CCK: variants seen among roughly 807,000 people sequenced by gnomAD.
CCK encodes cholecystokinin triacontatriapeptide.
CCK carries 11 observed loss-of-function variants against 10.1 expected under a neutral mutation model. That is an observed-to-expected ratio of 1.09 (90% CI 0.69 to 1.81). The LOEUF (loss-of-function observed/expected upper bound fraction) is 1.81, where lower values mean the gene tolerates loss of function less well. Among genes scored for constraint, CCK ranks in the 40% most tolerant of loss-of-function variants. CCK has a pLI of 0.00. For missense variants in CCK, 137 were observed against 159.9 expected (o/e 0.86, Z 0.77); for synonymous variants, 83 against 71.9 (o/e 1.15, Z -0.78).
At chr3:42,260,925 C>T (rs1321422325) in intron 4 of CCK, among the ~76,000 whole-genome samples, 1 of 152,200 alleles carries the variant, frequency 6.6e-6, no homozygotes, top group Admixed American at 6.5e-5. Flanking sequence ...GAGTCTCAGC[C>T]CTGCTGTTGC....
chr3:42,263,851 A>T, intron 3 of CCK: 1 of 617,162 alleles, frequency 1.6e-6, no homozygotes, highest in Non-Finnish European at 2.6e-6. Context: ...CTCCTCACCC[A>T]GCGCCAAGGG....
At chr3:42,265,638 C>G (rs527717847) in intron 1 of CCK, 46 bp downstream of exon 1, 14 of 152,528 alleles carry the variant, frequency 9.2e-5, no homozygotes, top group African/African-American at 3.1e-4. Context: ...ATCCGCCCCT[C>G]GCACCTTTCC....
At chr3:42,259,999 A>G (rs1266430808) in intron 4 of CCK, among the ~76,000 whole-genome samples, 2 of 152,182 alleles carry the variant, frequency 1.3e-5, no homozygotes, top group Non-Finnish European at 2.9e-5. Context: ...GCTCCTACCC[A>G]TAGGCTGAGT....
Position 42,264,297 on chromosome 3 carries a change from C to A in CCK, c.-3+400G>T, listed in dbSNP as rs1033847579. The stretch of plus-strand genomic sequence containing the variant: ...TTTTAGATCGCTAGTGGATAAAACA[C>A]CCTCAAGTTTCTATCCGTAAAGCCT... On this transcript the variant is annotated intron_variant, in intron 3 of 4. Coordinates refer to ENST00000396169, the MANE Select transcript of CCK (RefSeq NM_000729.6). Among the ~76,000 whole-genome samples, 9 of 152,180 alleles carry A rather than the reference C, an allele frequency of 5.9e-5. No homozygotes were observed. In the East Asian group the frequency reaches 1.7e-3, roughly 29 times the overall value.
intron 4 of CCK, among the ~76,000 whole-genome samples, chr3:42,260,919 C>T (rs1711201931): frequency 6.6e-6 from 1 of 152,204 alleles, no homozygotes; most frequent in South Asian, 2.1e-4. Flanking sequence ...TAGATAGAGT[C>T]TCAGCCCTGC....
Position 42,258,122 on chromosome 3 carries a change from G to C in CCK, c.324C>G (p.Ala108=). 1 of 1,614,004 alleles carries C rather than the reference G, an allele frequency of 6.2e-7. No homozygotes were observed. The highest frequency in any genetic ancestry group is 8.5e-7 in the Non-Finnish European group (1 of 1,179,990). The change falls in exon 5 of 5, where the codon GCC becomes GCG. Residue 108 remains alanine (A), a synonymous_variant. Transcript: ENST00000396169. ...MGWMDFGRRS[A]EEYEYPS ...TCTAGGAGGGGTACTCATACTCCTCGGCACTGCGACGGCCAAAATCCATCC... is the reference window on the plus strand; with the variant it reads ...TCTAGGAGGGGTACTCATACTCCTCCGCACTGCGACGGCCAAAATCCATCC...
In CCK at chr3:42,259,074, C is replaced by T. The variant is rs772331827; in HGVS notation, c.215-843G>A. ...GCAGGGACATGGATGAAGCTGGAAA[C>T]CATCATTCTCAGCAAACTAACACAG... On this transcript the variant is annotated intron_variant, in intron 4 of 4. Coordinates refer to ENST00000396169, the MANE Select transcript of CCK (RefSeq NM_000729.6). 1.2e-4 allele frequency among the ~76,000 whole-genome samples: 19 copies of T among 152,232 alleles called. No homozygotes were observed. In the South Asian group the frequency reaches 3.9e-3, roughly 32 times the overall value.
intron 3 of CCK, 161 bp from the exon 4 acceptor site, chr3:42,263,793 G>A (rs1711251524): frequency 1.6e-6 from 2 of 1,273,942 alleles, no homozygotes; most frequent in East Asian, 2.8e-5. Flanking sequence ...GACCCCAGCC[G>A]AGTGCCATGG....
chr3:42,263,555 C>A lies in CCK; in HGVS notation c.76G>T (p.Ala26Ser). 1 of 1,610,458 alleles carries A rather than the reference C, an allele frequency of 6.2e-7. No individual in the cohort carries two copies. Among genetic ancestry groups the A allele is most frequent in the Non-Finnish European group, 8.5e-7 (1 of 1,178,538 alleles). The change falls in exon 4 of 5, where the codon GCA (alanine) becomes TCA (serine). Residue 26 changes from alanine to serine, a missense_variant. Ala to Ser is a moderately conservative substitution (Grantham distance 99). Transcript: ENST00000396169. ...TGCAGCCCGGAGCCCGCGGGATCTG[C>A]GGGAGGCACCGGCTGCGTCAGGGCG... ...AGALTQPVPPADPAGSGLQRA... is the reference protein window; with the variant it reads ...AGALTQPVPPSDPAGSGLQRA...
intron 2 of CCK, 107 bp downstream of exon 2, chr3:42,265,162 G>A (rs1711268812): frequency 6.6e-6 from 1 of 151,240 alleles, no homozygotes; most frequent in African/African-American, 2.4e-5. Context: ...GGGGGCGGGG[G>A]TGGGGGGTGG....
intron 4 of CCK, among the ~76,000 whole-genome samples, chr3:42,258,853 G>A (rs536611530): frequency 6.6e-6 from 1 of 152,116 alleles, no homozygotes; most frequent in South Asian, 2.1e-4. Flanking sequence ...CCATTACTGG[G>A]TATATACCCA....
chr3:42,258,061 A>G lies in CCK; in HGVS notation c.*37T>C. 6.3e-7 allele frequency: 1 copy of G among 1,589,246 alleles called. No individual in the cohort carries two copies. ...CTTATTCTGCCTCCTCTGGGTTGGG[A>G]GGTTGCTTCCCGTTGGGCTGATGGC... On this transcript the variant is annotated 3_prime_UTR_variant, in exon 5 of 5. Transcript: ENST00000396169.
chr3:42,258,108 T>C lies in CCK; in HGVS notation c.338A>G (p.Tyr113Cys), dbSNP rs1199538622. 1.2e-6 allele frequency: 2 copies of C among 1,613,270 alleles called. No homozygotes were observed. Among genetic ancestry groups the C allele is most frequent in the Non-Finnish European group, 1.7e-6 (2 of 1,179,788 alleles). ...FGRRSAEEYE[Y>C]PS Reference sequence around the variant, plus strand: ...TGGCGGCTGGGTCCTCTAGGAGGGGTACTCATACTCCTCGGCACTGCGACG... The same window carrying C: ...TGGCGGCTGGGTCCTCTAGGAGGGGCACTCATACTCCTCGGCACTGCGACG... The change falls in exon 5 of 5, where the codon TAC (tyrosine) becomes TGC (cysteine). Residue 113 changes from tyrosine to cysteine, a missense_variant. Coordinates refer to ENST00000396169, the MANE Select transcript of CCK (RefSeq NM_000729.6).
Position 42,260,617 on chromosome 3 carries a change from C to T in CCK, c.215-2386G>A, listed in dbSNP as rs11571859. On this transcript the variant is annotated intron_variant, in intron 4 of 4. Coordinates refer to ENST00000396169, the MANE Select transcript of CCK (RefSeq NM_000729.6). Reference sequence around the variant, plus strand: ...CTTACATCTGATGTATGGAATTGATCAAAGCCTGATTCCTATGGGCCACAA... The same window carrying T: ...CTTACATCTGATGTATGGAATTGATTAAAGCCTGATTCCTATGGGCCACAA... Among the ~76,000 whole-genome samples the T allele has an allele frequency of 6.4e-4, 97 of 152,304 alleles. 1 individual carries two copies. Among genetic ancestry groups the T allele is most frequent in the African/African-American group, 2.3e-3 (96 of 41,556 alleles).
intron 2 of CCK, 103 bp downstream of exon 2, chr3:42,265,166 G>T (rs1414817724): frequency 1.3e-5 from 2 of 151,852 alleles, no homozygotes; most frequent in African/African-American, 2.4e-5. Context: ...GCGGGGGTGG[G>T]GGGTGGACAC....
chr3:42,260,774 G>A (rs574197351), intron 4 of CCK, among the ~76,000 whole-genome samples: 1 of 152,274 alleles, frequency 6.6e-6, no homozygotes, highest in East Asian at 1.9e-4. Context: ...GAAAGACTTT[G>A]GTGCTGAGAA....
chr3:42,260,783 A>C (rs1481968320), intron 4 of CCK, among the ~76,000 whole-genome samples: 1 of 152,190 alleles, frequency 6.6e-6, no homozygotes, highest in Non-Finnish European at 1.5e-5. Context: ...TGGTGCTGAG[A>C]AAACAGTGAC....
At position 42,258,231 on chromosome 3, in the gene CCK, G is replaced by C. The variant is rs775055783; in HGVS notation, c.215C>G (p.Ala72Gly). 13 of 1,613,144 alleles carry C rather than the reference G, an allele frequency of 8.1e-6. No individual in the cohort carries two copies. The highest frequency in any genetic ancestry group is 1.1e-5 in the Non-Finnish European group (13 of 1,179,760). The change falls in exon 5 of 5, where the codon GCT (alanine) becomes GGT (glycine). Residue 72 changes from alanine to glycine, a missense_variant and splice_region_variant. By Grantham distance (60) the Ala-to-Gly change is moderately conservative. Transcript: ENST00000396169. ...AACGATGGACATTCGTCCAGAAGGA[G>C]CTACAAGGAGCAGGGAGGAAGGAAA... is the stretch of plus-strand genomic sequence containing the variant. The part of the protein sequence containing the change: ...LARYIQQARK[A>G]PSGRMSIVKN...
chr3:42,264,957 C>G (rs1024727305), intron 2 of CCK, 50 bp from the exon 3 acceptor site: 2 of 152,412 alleles, frequency 1.3e-5, no homozygotes, highest in Non-Finnish European at 2.9e-5. Context: ...ATCCCTCCCA[C>G]GCGCGGTGCC....
Sources: gnomAD v4.1 joint callset for allele counts (sites outside exome capture counted in the v4.1 genomes callset) on GRCh38, gnomAD v4.1.1 for gene constraint, MANE v1.5 for transcripts, NCBI Gene and HGNC (gene_info 2026-07-23, HGNC 2026-07-21) for gene names.